The following TCIRG1 variants were observed in gnomAD, a reference collection of about 807,000 sequenced individuals.
TCIRG1 encodes V-type proton ATPase 116 kDa subunit a 3.
A neutral mutation model predicts 95.5 loss-of-function variants in TCIRG1; 86 were observed. The observed-to-expected ratio is 0.90, with a 90% CI of 0.76 to 1.08. The LOEUF is 1.08. Among genes scored for constraint, TCIRG1 ranks in the 50% least tolerant of loss-of-function variants. TCIRG1 has a pLI of 0.00. For missense variants in TCIRG1, 1,069 were observed against 1,140.2 expected (o/e 0.94, Z 0.90); for synonymous variants, 499 against 501.3 (o/e 1.00, Z 0.06).
downstream of TCIRG1, chr11:68,053,727 TA>T: frequency 2.6e-6 from 1 of 388,702 alleles, no homozygotes; most frequent in Non-Finnish European, 4.6e-6. Flanking sequence ...TTCTCTAGAT[TA>T]AAAGGATTCA....
At chr11:68,045,608 C>T (rs1436531314) in intron 10 of TCIRG1, among the ~76,000 whole-genome samples, 1 of 151,358 alleles carries the variant, frequency 6.6e-6, no homozygotes, top group African/African-American at 2.4e-5. Flanking sequence ...GGCTGGAGTG[C>T]AATGGCATGA....
In TCIRG1 at chr11:68,047,265, C is replaced by G. The variant is rs1030726162; in HGVS notation, c.1166-168C>G. ...ACCTCGGGTGATGCCCCCCCCCCCC[C>G]CCGTCTCGGCCTCCCAGAGTGCTGG... On this transcript the variant is annotated intron_variant, in intron 10 of 19. Transcript: ENST00000265686. 5.9e-4 allele frequency among the ~76,000 whole-genome samples: 67 copies of G among 113,912 alleles called. 7 individuals carry two copies. Among genetic ancestry groups the G allele is most frequent in the East Asian group, 1.8e-3 (7 of 3,804 alleles). 74.7% of individuals were successfully genotyped at this position (113,912 alleles called of 152,430 possible).
chr11:68,042,594 C>T (rs922248937), intron 3 of TCIRG1, 49 bp from the exon 4 acceptor site: 2 of 1,462,428 alleles, frequency 1.4e-6, no homozygotes, highest in African/African-American at 2.8e-5. Context: ...GGGCCCTCAA[C>T]TGTTGAGACA....
Position 68,049,151 on chromosome 11 carries a change from GGTTACCTCGT to G in TCIRG1, c.1748_1757del (p.Tyr583SerfsTer2). ...GCTCACCTTCCTGCTGGGACTCTTC[GGTTACCTCGT>G]GTTCCTAGTCATCTACAAGTGGCTG... On this transcript the variant is annotated frameshift_variant, in exon 15 of 20. Coordinates refer to ENST00000265686, the MANE Select transcript of TCIRG1 (RefSeq NM_006019.4). LOFTEE classifies it high-confidence loss of function. 6.2e-7 allele frequency: 1 copy of G among 1,613,924 alleles called. No homozygotes were observed. Among genetic ancestry groups the G allele is most frequent in the Non-Finnish European group, 8.5e-7 (1 of 1,180,016 alleles).
At chr11:68,041,211 G>T in intron 1 of TCIRG1, 57 bp from the exon 2 acceptor site, 1 of 1,154,340 alleles carries the variant, frequency 8.7e-7, no homozygotes, top group South Asian at 1.2e-5. Flanking sequence ...AGGTGCCCGT[G>T]GTTGGGAACT....
In TCIRG1 at chr11:68,048,939, G is replaced by C; in HGVS notation, c.1615G>C (p.Val539Leu). ...CAACTCCTTCAAGATGAAGATGTCCGTCATCCTGGGCGTCGTGCACATGGC... is the reference window on the plus strand; with the variant it reads ...CAACTCCTTCAAGATGAAGATGTCCCTCATCCTGGGCGTCGTGCACATGGC... ...FLNSFKMKMSVILGVVHMAFG... is the reference protein window; with the variant it reads ...FLNSFKMKMSLILGVVHMAFG... Residue 539 changes from valine (V) to leucine (L), a missense_variant, in exon 14 of 20, where the codon GTC becomes CTC. Coordinates refer to ENST00000265686, the MANE Select transcript of TCIRG1 (RefSeq NM_006019.4). 1.2e-6 allele frequency: 2 copies of C among 1,613,610 alleles called. No homozygotes were observed. The highest frequency in any genetic ancestry group is 1.7e-6 in the Non-Finnish European group (2 of 1,180,034).
downstream of TCIRG1, among the ~76,000 whole-genome samples, chr11:68,051,116 G>A (rs1461065916): frequency 6.6e-6 from 1 of 152,234 alleles, no homozygotes; most frequent in East Asian, 1.9e-4. Context: ...CCGGGTCAGG[G>A]GAGTGAGCTC....
rs2134456374 is a variant in TCIRG1, at chr11:68,047,982, G to A, written c.1554+10G>A. ...CTTTGGCATCGATCCTGTGAGTCCT[G>A]GGATGGAGTGTCCGTGGGTGGTGAA... is the stretch of plus-strand genomic sequence containing the variant. On this transcript the variant is annotated intron_variant, in intron 13 of 19. Transcript: ENST00000265686. 1 of 1,612,102 alleles carries A rather than the reference G, an allele frequency of 6.2e-7. No individual in the cohort carries two copies. The highest frequency in any genetic ancestry group is 8.5e-7 in the Non-Finnish European group (1 of 1,178,582).
At position 68,049,416 on chromosome 11, in the gene TCIRG1, G is replaced by A. The variant is rs936227186; in HGVS notation, c.1887+122G>A. 4.4e-6 allele frequency: 5 copies of A among 1,133,538 alleles called. No homozygotes were observed. In the African/African-American group the frequency reaches 6.2e-5, roughly 14 times the overall value. 70.2% of individuals were successfully genotyped at this position (1,133,538 alleles called of 1,614,324 possible). A position where few individuals can be genotyped will look rare whatever the true frequency, so the allele number is the denominator to read the frequency against. ...GGGGATGCAGGCCCCGGGCCGTGCA[G>A]ACAGGGCCGTCAGAGGTGATGGTGT... On this transcript the variant is annotated intron_variant, in intron 15 of 19. Coordinates refer to ENST00000265686, the MANE Select transcript of TCIRG1 (RefSeq NM_006019.4).
intron 1 of TCIRG1, among the ~76,000 whole-genome samples, chr11:68,040,733 T>A (rs1338933451): frequency 6.6e-6 from 1 of 152,200 alleles, no homozygotes; most frequent in Non-Finnish European, 1.5e-5. Context: ...CTGCGGCTGC[T>A]GCCGGGCGGC....
At chr11:68,048,780 G>A in intron 13 of TCIRG1, 99 bp from the exon 14 acceptor site, 1 of 937,608 alleles carries the variant, frequency 1.1e-6, no homozygotes, top group Admixed American at 1.7e-5. Context: ...GGCTCCGAGG[G>A]GGAAAACAGG....
intron 16 of TCIRG1, 82 bp from the exon 17 acceptor site, chr11:68,049,880 G>C (rs1855708152): frequency 3.2e-6 from 5 of 1,557,792 alleles, no homozygotes; most frequent in Non-Finnish European, 4.3e-6. Flanking sequence ...ACAGACTCCT[G>C]AGTGGCCAGG....
rs1225711718 is a variant in TCIRG1 at position 68,043,535 on chromosome 11, A to T, written c.631-36A>T. On this transcript the variant is annotated intron_variant, in intron 6 of 19. Transcript: ENST00000265686. ...CGCTGGGCTGGGGGGTCCTGGGCAG[A>T]GCGGGACCCCAGAGTCAGCTGAGCC... 2.5e-6 allele frequency: 4 copies of T among 1,590,250 alleles called. No homozygotes were observed. In the African/African-American group the frequency reaches 5.4e-5, roughly 21 times the overall value.
intron 18 of TCIRG1, 88 bp from the exon 19 acceptor site, chr11:68,050,399 G>T: frequency 6.2e-7 from 1 of 1,609,450 alleles, no homozygotes. Context: ...GGCCCCCCGT[G>T]CAGGGAGGGC....
chr11:68,049,202 A>G lies in TCIRG1; in HGVS notation c.1795A>G (p.Arg599Gly). The change falls in exon 15 of 20, where the codon AGG becomes GGG. Residue 599 changes from arginine to glycine, a missense_variant. Coordinates refer to ENST00000265686, the MANE Select transcript of TCIRG1 (RefSeq NM_006019.4). ...IYKWLCVWAA[R>G]AASAPSILIH... The stretch of plus-strand genomic sequence containing the variant: ...CAAGTGGCTGTGTGTCTGGGCTGCC[A>G]GGGCCGCCTCGGCCCCCAGCATCCT... 1 of 1,613,834 alleles carries G rather than the reference A, an allele frequency of 6.2e-7. No individual in the cohort carries two copies. The highest frequency in any genetic ancestry group is 8.5e-7 in the Non-Finnish European group (1 of 1,179,984).
intron 3 of TCIRG1, among the ~76,000 whole-genome samples, chr11:68,042,321 G>C (rs879452033): frequency 2.6e-5 from 4 of 152,216 alleles, no homozygotes; most frequent in Non-Finnish European, 5.9e-5. Context: ...TGCTGGTGCA[G>C]TTTACAGCTT....
Position 68,048,817 on chromosome 11 carries a change from G to A in TCIRG1, c.1555-62G>A, listed in dbSNP as rs771982882. The A allele has an allele frequency of 3.3e-6, 4 of 1,207,622 alleles. No homozygotes were observed. In the South Asian group the frequency reaches 3.6e-5, roughly 11 times the overall value. 74.8% of individuals were successfully genotyped at this position (1,207,622 alleles called of 1,614,324 possible). Reference sequence around the variant, plus strand: ...TGGTGAGAGAGTGACTCGGGCCGGGGACTTCCTGGCAGTGATGGCGAGGGA... The same window carrying A: ...TGGTGAGAGAGTGACTCGGGCCGGGAACTTCCTGGCAGTGATGGCGAGGGA... On this transcript the variant is annotated intron_variant, in intron 13 of 19. Coordinates refer to ENST00000265686, the MANE Select transcript of TCIRG1 (RefSeq NM_006019.4).
At chr11:68,050,912 C>T, downstream of TCIRG1, 1 of 1,406,152 alleles carries the variant, frequency 7.1e-7, no homozygotes, top group Non-Finnish European at 9.8e-7. Context: ...TCTCGTCTCT[C>T]TTCCCTCCTT....
chr11:68,047,752 A>T lies in TCIRG1; in HGVS notation c.1411A>T (p.Ile471Phe). ...CGAGTGCTTCAGTCGCGCCACCAGC[A>T]TCTTCCCCTCGGGCTGGAGTGTGGC... ...YNECFSRATS[I>F]FPSGWSVAAM... Residue 471 changes from isoleucine (I) to phenylalanine (F), a missense_variant, in exon 12 of 20, where the codon ATC (isoleucine) becomes TTC (phenylalanine). Coordinates refer to ENST00000265686, the MANE Select transcript of TCIRG1 (RefSeq NM_006019.4). The T allele has an allele frequency of 6.2e-7, 1 of 1,613,274 alleles. No homozygotes were observed. Among genetic ancestry groups the T allele is most frequent in the Non-Finnish European group, 8.5e-7 (1 of 1,179,982 alleles).
Sources: gnomAD v4.1 joint callset for allele counts (sites outside exome capture counted in the v4.1 genomes callset) on GRCh38, gnomAD v4.1.1 for gene constraint, MANE v1.5 for transcripts, NCBI Gene and HGNC (gene_info 2026-07-23, HGNC 2026-07-21) for gene names.